KCTD3: variants seen among roughly 807,000 people sequenced by gnomAD.
KCTD3 encodes the protein BTB/POZ domain-containing protein KCTD3.
In KCTD3, 41 loss-of-function variants were observed where a neutral mutation model predicts 85.8. The observed-to-expected ratio is 0.48, with a 90% confidence interval of 0.37 to 0.62. The LOEUF is 0.62. KCTD3 is among the 20% of genes least tolerant of loss of function. KCTD3 has a pLI of 0.00. For missense variants in KCTD3, 724 were observed against 989.9 expected (o/e 0.73, Z 3.60); for synonymous variants, 338 against 345.4 (o/e 0.98, Z 0.24).
intron 8 of KCTD3, among the ~76,000 whole-genome samples, chr1:215,582,536 TTTA>T (rs1283602889): frequency 5.9e-5 from 9 of 152,020 alleles, no homozygotes; most frequent in Admixed American, 1.3e-4. Flanking sequence ...TTTTGTTTTA[TTTA>T]TTATTATATA....
intron 14 of KCTD3, among the ~76,000 whole-genome samples, chr1:215,608,585 T>C (rs1462990865): frequency 6.6e-6 from 1 of 152,006 alleles, no homozygotes; most frequent in East Asian, 1.9e-4. Flanking sequence ...CATCGTAATA[T>C]TCATTAGGAA....
chr1:215,577,106 G>A (rs1172277925), intron 4 of KCTD3, among the ~76,000 whole-genome samples: 3 of 150,284 alleles, frequency 2.0e-5, no homozygotes, highest in African/African-American at 7.3e-5. Flanking sequence ...CATTTCATCT[G>A]GATAACATAG....
At chr1:215,617,971 T>C (rs1228155559) in intron 15 of KCTD3, 2 of 250,772 alleles carry the variant, frequency 8.0e-6, no homozygotes, top group African/African-American at 4.5e-5. Context: ...TTTATCATTC[T>C]TTGTCTGAAT....
intron 9 of KCTD3, among the ~76,000 whole-genome samples, chr1:215,593,105 T>C (rs1314972268): frequency 2.0e-5 from 3 of 152,248 alleles, no homozygotes; most frequent in Non-Finnish European, 4.4e-5. Flanking sequence ...TAAAAAGACA[T>C]GTTCACATTG....
chr1:215,577,544 A>T, intron 4 of KCTD3, 126 bp from the exon 5 acceptor site: 1 of 638,350 alleles, frequency 1.6e-6, no homozygotes. Flanking sequence ...AAAGAGTATT[A>T]GGAGGAAAAT....
At chr1:215,611,358 A>G (rs1655231154) in intron 14 of KCTD3, among the ~76,000 whole-genome samples, 1 of 151,996 alleles carries the variant, frequency 6.6e-6, no homozygotes, top group Admixed American at 6.6e-5. Flanking sequence ...TGTGGTTAAC[A>G]GAAGCTTCAA....
intron 1 of KCTD3, among the ~76,000 whole-genome samples, chr1:215,571,930 C>T (rs777398423): frequency 2.6e-5 from 4 of 152,108 alleles, no homozygotes; most frequent in Non-Finnish European, 4.4e-5. Context: ...CGCGCCTAGC[C>T]GAGATAAACT....
In KCTD3 at chr1:215,621,594, T is replaced by C. The variant is rs1655693494; in HGVS notation, c.*976T>C. Reference sequence around the variant, plus strand: ...CGTTTTTGTACAATTTTTTTTCATTTAATTGGAATGATCTTCAGGTTTCTA... The same window carrying C: ...CGTTTTTGTACAATTTTTTTTCATTCAATTGGAATGATCTTCAGGTTTCTA... On this transcript the variant is annotated 3_prime_UTR_variant, in exon 18 of 18. Coordinates refer to ENST00000259154, the MANE Select transcript of KCTD3 (RefSeq NM_016121.5). 1 of 152,576 alleles carries C rather than the reference T, an allele frequency of 6.6e-6. No individual in the cohort carries two copies. Among genetic ancestry groups the C allele is most frequent in the Non-Finnish European group, 1.5e-5 (1 of 67,986 alleles). The allele number at this position is 152,576 out of a possible 1,614,324, so 9.5% of individuals were successfully genotyped here. A position where few individuals can be genotyped will look rare whatever the true frequency, so the allele number is the denominator to read the frequency against.
chr1:215,580,556 T>C (rs952974619), intron 8 of KCTD3, among the ~76,000 whole-genome samples: 1 of 151,974 alleles, frequency 6.6e-6, no homozygotes, highest in Non-Finnish European at 1.5e-5. Flanking sequence ...TGAAGAATAG[T>C]GTAGACCGGT....
intron 15 of KCTD3, among the ~76,000 whole-genome samples, chr1:215,614,501 GT>G (rs1655358556): frequency 6.6e-6 from 1 of 152,132 alleles, no homozygotes; most frequent in Admixed American, 6.6e-5. Flanking sequence ...TTCGAGCAGT[GT>G]TTTTGTAATT....
At chr1:215,611,316 T>TG (rs1449805949) in intron 14 of KCTD3, among the ~76,000 whole-genome samples, 1 of 151,960 alleles carries the variant, frequency 6.6e-6, no homozygotes, top group African/African-American at 2.4e-5. Flanking sequence ...TGTGTGTGTG[T>TG]TTTTTTAATT....
intron 12 of KCTD3, among the ~76,000 whole-genome samples, 154 bp from the exon 13 acceptor site, chr1:215,603,978 A>G (rs1341495666): frequency 3.9e-5 from 6 of 152,136 alleles, no homozygotes; most frequent in African/African-American, 1.4e-4. Context: ...TGACCGGAGA[A>G]GTCTTAAGAT....
At position 215,571,036 on chromosome 1, in the gene KCTD3, C is replaced by T. The variant is rs533465147; in HGVS notation, c.84-2750C>T. On this transcript the variant is annotated intron_variant, in intron 1 of 17. Coordinates refer to ENST00000259154, the MANE Select transcript of KCTD3 (RefSeq NM_016121.5). ...CAGAAATTCCAGGTTACTAACCTTT[C>T]CCCAAAATGCTGATTAAAATTGAAA... 2.2e-4 allele frequency among the ~76,000 whole-genome samples: 34 copies of T among 152,186 alleles called. No individual in the cohort carries two copies. The South Asian group carries it at 6.8e-3, about 31-fold the overall frequency.
At chr1:215,609,511 G>T (rs1655153514) in intron 14 of KCTD3, among the ~76,000 whole-genome samples, 1 of 151,882 alleles carries the variant, frequency 6.6e-6, no homozygotes, top group Non-Finnish European at 1.5e-5. Flanking sequence ...ACCTTTTGAA[G>T]AATTTTGAGA....
intron 15 of KCTD3, 73 bp from the exon 16 acceptor site, chr1:215,618,813 C>G: frequency 8.9e-7 from 1 of 1,124,862 alleles, no homozygotes. Flanking sequence ...TTCTTTCTGT[C>G]TTTTTAGTTT....
In KCTD3 at chr1:215,586,525, G is replaced by A; in HGVS notation, c.657G>A (p.Val219=). Residue 219 remains valine (V), a synonymous_variant, in exon 9 of 18, where the codon GTG becomes GTA. Transcript: ENST00000259154. Reference sequence around the variant, plus strand: ...AAGAATCTTCAGGATGGCAGCAAGTGTTTACGAGCCCATATTTGGATTGGA... The same window carrying A: ...AAGAATCTTCAGGATGGCAGCAAGTATTTACGAGCCCATATTTGGATTGGA... ...RIKESSGWQQ[V]FTSPYLDWTI... 9 of 1,613,914 alleles carry A rather than the reference G, an allele frequency of 5.6e-6. No homozygotes were observed. The highest frequency in any genetic ancestry group is 1.1e-5 in the South Asian group (1 of 91,034).
In KCTD3 at chr1:215,575,937, AT is replaced by A; in HGVS notation, c.224del (p.Leu75Ter). On this transcript the variant is annotated frameshift_variant, in exon 4 of 18. Coordinates refer to ENST00000259154, the MANE Select transcript of KCTD3 (RefSeq NM_016121.5). LOFTEE classifies it high-confidence loss of function. ...TAGAGATCCAGCAGCATTTGCACCC[AT>A]TTTAAATTTTCTTCGGACAAAAGAA... ...IDRDPAAFAP[I>X]LNFLRTKELD... The A allele has an allele frequency of 6.4e-7, 1 of 1,567,276 alleles. No individual in the cohort carries two copies. The highest frequency in any genetic ancestry group is 8.7e-7 in the Non-Finnish European group (1 of 1,153,346).
At chr1:215,581,068 A>G in intron 8 of KCTD3, 1 of 403,056 alleles carries the variant, frequency 2.5e-6, no homozygotes, top group Admixed American at 3.0e-5. Context: ...CAACATGGTG[A>G]AACCCCATCT....
chr1:215,584,026 T>G (rs1659923298), intron 8 of KCTD3, among the ~76,000 whole-genome samples: 1 of 152,210 alleles, frequency 6.6e-6, no homozygotes, highest in Admixed American at 6.5e-5. Flanking sequence ...ACTGGGAAAT[T>G]GTTGTAACCA....
Sources: allele counts gnomAD v4.1 joint callset (sites outside exome capture counted in the v4.1 genomes callset), GRCh38; gene constraint gnomAD v4.1.1; transcripts MANE v1.5; gene names NCBI Gene and HGNC (gene_info 2026-07-23, HGNC 2026-07-21).